The following SLC14A2 variants were observed in gnomAD, a reference collection of about 807,000 sequenced individuals.
SLC14A2 encodes solute carrier family 14 member 2, also known as urea transporter 2.
A neutral mutation model predicts 104.6 loss-of-function variants in SLC14A2; 91 were observed. That is an observed-to-expected ratio of 0.87 (90% CI 0.73 to 1.04). SLC14A2 has a LOEUF of 1.04. Among genes scored for constraint, SLC14A2 ranks in the 50% least tolerant of loss-of-function variants. The probability of loss-of-function intolerance (pLI) is 0.00; values close to 1 mark genes in which losing one functional copy is unlikely to be tolerated. For missense variants in SLC14A2, 1,189 were observed against 1,156.0 expected (o/e 1.03, Z -0.41); for synonymous variants, 476 against 466.4 (o/e 1.02, Z -0.27).
chr18:45,524,549 G>T (rs556111018), intron 2 of SLC14A2, among the ~76,000 whole-genome samples: 2 of 152,292 alleles, frequency 1.3e-5, no homozygotes, highest in Admixed American at 6.5e-5. Flanking sequence ...CCTATGGTAG[G>T]CAAGGTACCC....
intron 1 of SLC14A2, among the ~76,000 whole-genome samples, chr18:45,327,955 A>G (rs1383054334): frequency 6.6e-6 from 1 of 152,212 alleles, no homozygotes; most frequent in African/African-American, 2.4e-5. Context: ...TGAGAAGGAC[A>G]TGACTTGACA....
At chr18:45,220,530 C>G (rs2084051362) in intron 1 of SLC14A2, among the ~76,000 whole-genome samples, 1 of 149,812 alleles carries the variant, frequency 6.7e-6, no homozygotes, top group South Asian at 2.1e-4. Context: ...ACCTGTGTCC[C>G]TAAATGAGTC....
chr18:45,192,130 T>A, the SLC14A2 span, among the ~76,000 whole-genome samples: 2 of 152,202 alleles, frequency 1.3e-5, no homozygotes, highest in Non-Finnish European at 1.5e-5. Flanking sequence ...GCAACAGACA[T>A]CTTGTCCGGA....
At chr18:45,212,693 G>A (rs148822742), upstream of SLC14A2, among the ~76,000 whole-genome samples, 3 of 152,240 alleles carry the variant, frequency 2.0e-5, no homozygotes, top group African/African-American at 4.8e-5. Flanking sequence ...ACTCACAACC[G>A]CATAGGTAAT....
At chr18:45,478,243 C>T (rs1247681893) in intron 1 of SLC14A2, among the ~76,000 whole-genome samples, 1 of 152,194 alleles carries the variant, frequency 6.6e-6, no homozygotes, top group African/African-American at 2.4e-5. Flanking sequence ...AGAGGGAGTT[C>T]TTTGATCCTT....
chr18:45,235,516 T>C lies in SLC14A2; in HGVS notation c.-125+22325T>C, dbSNP rs543673037. Among the ~76,000 whole-genome samples, 3 of 152,250 alleles carry C rather than the reference T, an allele frequency of 2.0e-5. No homozygotes were observed. The East Asian group carries it at 5.8e-4, about 29-fold the overall frequency. On this transcript the variant is annotated intron_variant, in intron 1 of 20. Coordinates refer to the SLC14A2 transcript ENST00000586448. ...CAGTACTATAGAACGCTAGAATTTA[T>C]TCCTCCTATCTAGCTGTAATTTTGT...
At chr18:45,235,987 G>A (rs187422225) in intron 1 of SLC14A2, among the ~76,000 whole-genome samples, 3 of 47,724 alleles carry the variant, frequency 6.3e-5, no homozygotes, top group African/African-American at 1.5e-4. Flanking sequence ...GTGTATATAT[G>A]TGTATATATA....
At chr18:45,418,377 G>A (rs1285283670) in intron 1 of SLC14A2, among the ~76,000 whole-genome samples, 1 of 152,176 alleles carries the variant, frequency 6.6e-6, no homozygotes, top group Non-Finnish European at 1.5e-5. Flanking sequence ...TCATAAGAGG[G>A]CGTCTGTTGC....
At chr18:45,518,976 T>C (rs1365047574) in intron 2 of SLC14A2, among the ~76,000 whole-genome samples, 1 of 152,176 alleles carries the variant, frequency 6.6e-6, no homozygotes, top group Non-Finnish European at 1.5e-5. Flanking sequence ...AGTAATATAA[T>C]ACACAATCTA....
intron 1 of SLC14A2, among the ~76,000 whole-genome samples, chr18:45,382,072 T>C (rs1382583037): frequency 2.6e-5 from 4 of 152,212 alleles, no homozygotes; most frequent in Non-Finnish European, 5.9e-5. Context: ...CTCAATCTCC[T>C]GTACAATTGT....
chr18:45,531,189 A>G (rs1220007313), intron 2 of SLC14A2, among the ~76,000 whole-genome samples: 1 of 152,160 alleles, frequency 6.6e-6, no homozygotes, highest in African/African-American at 2.4e-5. Flanking sequence ...TAGCAGTGTG[A>G]TTTATAATCC....
chr18:45,543,962 A>G (rs934151778), intron 2 of SLC14A2, among the ~76,000 whole-genome samples: 4 of 152,218 alleles, frequency 2.6e-5, no homozygotes, highest in South Asian at 4.1e-4. Context: ...CTGGGCACTG[A>G]GTCTCTAATG....
At chr18:45,540,755 C>CAAT (rs751389092) in intron 2 of SLC14A2, among the ~76,000 whole-genome samples, 1 of 151,860 alleles carries the variant, frequency 6.6e-6, no homozygotes, top group African/African-American at 2.4e-5. Context: ...AAATTAATAA[C>CAAT]AATAATAATA....
chr18:45,511,454 T>G (rs1311948124), intron 2 of SLC14A2, among the ~76,000 whole-genome samples: 94 of 152,188 alleles, frequency 6.2e-4, no homozygotes, highest in Non-Finnish European at 4.4e-5. Flanking sequence ...TACTCCTCCC[T>G]TAAGGTCTCC....
chr18:45,358,918 G>A (rs1489506923), intron 1 of SLC14A2, among the ~76,000 whole-genome samples: 1 of 152,078 alleles, frequency 6.6e-6, no homozygotes, highest in East Asian at 1.9e-4. Context: ...GACCAAACCG[G>A]TATAGCACAG....
At chr18:45,322,550 T>C (rs1456602508) in intron 1 of SLC14A2, among the ~76,000 whole-genome samples, 1 of 152,220 alleles carries the variant, frequency 6.6e-6, no homozygotes, top group Non-Finnish European at 1.5e-5. Flanking sequence ...TGTTTGACCT[T>C]TCAGGTAGAT....
chr18:45,190,045 A>G, the SLC14A2 span, among the ~76,000 whole-genome samples: 2 of 152,210 alleles, frequency 1.3e-5, no homozygotes, highest in Non-Finnish European at 2.9e-5. Context: ...AACAGGACAC[A>G]GGTCTGTAAG....
intron 2 of SLC14A2, chr18:45,550,111 G>A (rs2044036534): frequency 6.6e-6 from 1 of 152,126 alleles, no homozygotes; most frequent in African/African-American, 2.4e-5. Flanking sequence ...TCTTCATGTA[G>A]AAGAGGAATA....
intron 1 of SLC14A2, among the ~76,000 whole-genome samples, chr18:45,444,858 A>G (rs1218495456): frequency 6.6e-6 from 1 of 152,186 alleles, no homozygotes. Flanking sequence ...TACCAACATC[A>G]AAGTCATTAG....
Sources: allele counts gnomAD v4.1 joint callset (sites outside exome capture counted in the v4.1 genomes callset), GRCh38; gene constraint gnomAD v4.1.1; transcripts MANE v1.5; gene names NCBI Gene and HGNC (gene_info 2026-07-23, HGNC 2026-07-21).